MLLT3: variants seen among roughly 807,000 people sequenced by gnomAD.
MLLT3 encodes the protein MLLT3 super elongation complex subunit.
MLLT3 carries 4 observed loss-of-function variants against 53.2 expected under a neutral mutation model. That is an observed-to-expected ratio of 0.08 (90% CI 0.04 to 0.17). The LOEUF (loss-of-function observed/expected upper bound fraction) is 0.17. Among genes scored for constraint, MLLT3 ranks in the 10% least tolerant of loss-of-function variants. The pLI, the probability that MLLT3 is intolerant of heterozygous loss-of-function variation, is 1.00. For synonymous variants in MLLT3, 283 were observed against 230.6 expected, an observed-to-expected ratio of 1.23 and a Z score of -2.06; for missense variants, 569 against 684.0, an observed-to-expected ratio of 0.83 and a Z score of 1.87.
intron 2 of MLLT3, among the ~76,000 whole-genome samples, chr9:20,544,771 A>G (rs1818742362): frequency 6.6e-6 from 1 of 152,290 alleles, no homozygotes; most frequent in Non-Finnish European, 1.5e-5. Context: ...TCTCAAATAA[A>G]TATTTGTACC....
At chr9:20,555,873 G>A (rs1819044763) in intron 2 of MLLT3, among the ~76,000 whole-genome samples, 1 of 152,136 alleles carries the variant, frequency 6.6e-6, no homozygotes, top group Non-Finnish European at 1.5e-5. Context: ...AAAATTACAG[G>A]AGCATCCATT....
intron 2 of MLLT3, among the ~76,000 whole-genome samples, chr9:20,531,711 A>G (rs1327546120): frequency 6.6e-6 from 1 of 152,170 alleles, no homozygotes; most frequent in Non-Finnish European, 1.5e-5. Flanking sequence ...CAGATTAACA[A>G]ATTGTTGATT....
intron 2 of MLLT3, among the ~76,000 whole-genome samples, chr9:20,590,696 T>C (rs958938556): frequency 2.0e-5 from 3 of 152,204 alleles, no homozygotes; most frequent in African/African-American, 7.2e-5. Context: ...TCTCAGGCAG[T>C]TCTTCATAGC....
Position 20,621,802 on chromosome 9 carries a change from G to A in MLLT3, c.12+443C>T, listed in dbSNP as rs970535561. 1.0e-4 allele frequency: 145 copies of A among 1,450,954 alleles called. No homozygotes were observed. In the African/African-American group the frequency reaches 1.9e-3, roughly 19 times the overall value. The allele number at this position is 1,450,954 out of a possible 1,614,324, so 89.9% of individuals were successfully genotyped here. ...GTAGCGGCCGCGGCGCTTTGCGGAG[G>A]TGCGGCCGCCGAGGCTGCTCGCCGC... On this transcript the variant is annotated intron_variant, in intron 1 of 10. Transcript: ENST00000380338. The surrounding 1 kb of genome is among the most constrained non-coding windows in gnomAD (Gnocchi z 7.0).
chr9:20,440,403 C>A (rs1290592906), intron 4 of MLLT3, among the ~76,000 whole-genome samples: 1 of 152,136 alleles, frequency 6.6e-6, no homozygotes, highest in African/African-American at 2.4e-5. Context: ...ACCTTCAGAT[C>A]CTGATTATTG....
intron 5 of MLLT3, among the ~76,000 whole-genome samples, chr9:20,386,652 G>T (rs995056490): frequency 6.6e-6 from 1 of 152,156 alleles, no homozygotes; most frequent in South Asian, 2.1e-4. Flanking sequence ...CTAAAGATGT[G>T]CTGGAATGAG....
At chr9:20,541,156 T>C (rs1818620000) in intron 2 of MLLT3, among the ~76,000 whole-genome samples, 1 of 152,216 alleles carries the variant, frequency 6.6e-6, no homozygotes, top group Non-Finnish European at 1.5e-5. Flanking sequence ...AGACCACCTG[T>C]CTGGACTTCA....
chr9:20,382,774 G>C (rs1253215166), intron 5 of MLLT3, among the ~76,000 whole-genome samples: 2 of 151,942 alleles, frequency 1.3e-5, no homozygotes, highest in Non-Finnish European at 2.9e-5. Context: ...ATTCCAGAAT[G>C]TTTTTGTAAA....
intron 4 of MLLT3, among the ~76,000 whole-genome samples, chr9:20,415,839 T>C (rs114290382): frequency 2.0e-3 from 298 of 152,156 alleles, no homozygotes; most frequent in African/African-American, 7.0e-3. Flanking sequence ...TGAAAACTTA[T>C]TGTTCTATAT....
intron 5 of MLLT3, among the ~76,000 whole-genome samples, chr9:20,377,340 A>G (rs1050071606): frequency 1.3e-5 from 2 of 152,226 alleles, no homozygotes; most frequent in African/African-American, 2.4e-5. Context: ...CTCAACATTT[A>G]TAACGGCAAC....
chr9:20,446,771 T>C (rs893411754), intron 4 of MLLT3, among the ~76,000 whole-genome samples: 3 of 152,234 alleles, frequency 2.0e-5, no homozygotes, highest in Non-Finnish European at 4.4e-5. Flanking sequence ...AAAACAGAGT[T>C]ACTTTTCCAA....
At chr9:20,420,320 G>A (rs973742026) in intron 4 of MLLT3, among the ~76,000 whole-genome samples, 2 of 152,092 alleles carry the variant, frequency 1.3e-5, no homozygotes, top group Admixed American at 1.3e-4. Context: ...GTCAGACTGG[G>A]CTAAAAAGAC....
chr9:20,418,962 T>C (rs1254310605), intron 4 of MLLT3, among the ~76,000 whole-genome samples: 2 of 152,142 alleles, frequency 1.3e-5, no homozygotes, highest in Non-Finnish European at 2.9e-5. Flanking sequence ...ACTGTGCAGG[T>C]TGAGATGCCT....
intron 2 of MLLT3, among the ~76,000 whole-genome samples, chr9:20,527,253 A>G (rs1818227346): frequency 6.6e-6 from 1 of 152,194 alleles, no homozygotes; most frequent in African/African-American, 2.4e-5. Flanking sequence ...TAATACATTT[A>G]TCAGGTAGAA....
intron 2 of MLLT3, among the ~76,000 whole-genome samples, chr9:20,482,600 T>G (rs1240612006): frequency 6.6e-6 from 1 of 152,178 alleles, no homozygotes; most frequent in Non-Finnish European, 1.5e-5. Context: ...ACACAACATA[T>G]GCTACTAGGA....
At chr9:20,564,707 G>C (rs1180751195) in intron 2 of MLLT3, among the ~76,000 whole-genome samples, 1 of 152,104 alleles carries the variant, frequency 6.6e-6, no homozygotes, top group East Asian at 1.9e-4. Context: ...AATTAGTTCC[G>C]CAACTATGGC....
chr9:20,498,355 A>G (rs1402317115), intron 2 of MLLT3, among the ~76,000 whole-genome samples: 1 of 139,770 alleles, frequency 7.2e-6, no homozygotes, highest in Non-Finnish European at 1.5e-5. Context: ...ATACTCTTCT[A>G]TTGGTTTTAA....
rs1460025351 is a variant in MLLT3, at chr9:20,343,900, G to C, written c.*2543C>G. ...TTTAAGAGAGGTATTAAAACTACTTGAAATTAATTCAAAGGGATCTTTTTA... is the reference window on the plus strand; with the variant it reads ...TTTAAGAGAGGTATTAAAACTACTTCAAATTAATTCAAAGGGATCTTTTTA... On this transcript the variant is annotated 3_prime_UTR_variant, in exon 11 of 11. Coordinates refer to ENST00000380338, the MANE Select transcript of MLLT3 (RefSeq NM_004529.4). The C allele has an allele frequency of 4.9e-6, 1 of 203,702 alleles. No homozygotes were observed. Among genetic ancestry groups the C allele is most frequent in the Non-Finnish European group, 1.0e-5 (1 of 99,502 alleles). The allele number at this position is 203,702 out of a possible 1,614,324, so 12.6% of individuals were successfully genotyped here. A position where few individuals can be genotyped will look rare whatever the true frequency, so the allele number is the denominator to read the frequency against.
chr9:20,465,328 A>C (rs1316818480), intron 2 of MLLT3, among the ~76,000 whole-genome samples: 1 of 152,152 alleles, frequency 6.6e-6, no homozygotes, highest in Non-Finnish European at 1.5e-5. Flanking sequence ...ATAATTTTCA[A>C]CTGAAATAGA....
Sources: allele counts gnomAD v4.1 joint callset (sites outside exome capture counted in the v4.1 genomes callset), GRCh38; gene constraint gnomAD v4.1.1; non-coding constraint Gnocchi (gnomAD v3.1); transcripts MANE v1.5; gene names NCBI Gene and HGNC (gene_info 2026-07-23, HGNC 2026-07-21).